Variants in ANTXR1 observed in about 807,000 individuals in gnomAD.
The protein encoded by ANTXR1 is anthrax toxin receptor 1.
Under a neutral mutation model 78.1 loss-of-function variants are expected in ANTXR1, and 19 were observed. That is an observed-to-expected ratio of 0.24 (90% CI 0.17 to 0.36). The LOEUF (loss-of-function observed/expected upper bound fraction) is 0.36. ANTXR1 is among the 10% of genes least tolerant of loss of function. ANTXR1 has a pLI of 1.00. For missense variants in ANTXR1, 518 were observed against 718.6 expected (o/e 0.72, Z 3.19); for synonymous variants, 273 against 260.5 (o/e 1.05, Z -0.46).
intron 13 of ANTXR1, among the ~76,000 whole-genome samples, chr2:69,153,748 G>T (rs1014914254): frequency 6.6e-6 from 1 of 152,170 alleles, no homozygotes; most frequent in Admixed American, 6.5e-5. Flanking sequence ...GAGTCGGCAG[G>T]CCTGGTAGCA....
intron 17 of ANTXR1, among the ~76,000 whole-genome samples, chr2:69,201,712 G>T (rs1674776448): frequency 6.6e-6 from 1 of 152,134 alleles, no homozygotes; most frequent in Non-Finnish European, 1.5e-5. Flanking sequence ...TAGAAAGTGT[G>T]AAGGAGGACC....
In ANTXR1 at chr2:69,246,171, G is replaced by C. The variant is rs1416597468; in HGVS notation, c.*686G>C. The C allele has an allele frequency of 1.3e-5, 2 of 152,474 alleles. No individual in the cohort carries two copies. Among genetic ancestry groups the C allele is most frequent in the Non-Finnish European group, 2.9e-5 (2 of 68,124 alleles). 9.4% of individuals were successfully genotyped at this position (152,474 alleles called of 1,614,324 possible). A position where few individuals can be genotyped will look rare whatever the true frequency, so the allele number is the denominator to read the frequency against. ...GGTATGTTGCTATGTTGATGTGTAA[G>C]TGAAATCAGTTGTGTGCAATAGACA... On this transcript the variant is annotated 3_prime_UTR_variant, in exon 18 of 18. Coordinates refer to ENST00000303714, the MANE Select transcript of ANTXR1 (RefSeq NM_032208.3).
intron 10 of ANTXR1, among the ~76,000 whole-genome samples, chr2:69,122,327 A>G (rs146936741): frequency 7.9e-4 from 120 of 152,302 alleles, no homozygotes; most frequent in African/African-American, 2.1e-3. Context: ...ATGAAGCCCA[A>G]TGATACTTTG....
intron 3 of ANTXR1, 121 bp downstream of exon 3, chr2:69,044,934 A>G: frequency 9.9e-7 from 1 of 1,009,526 alleles, no homozygotes; most frequent in Non-Finnish European, 1.5e-6. Flanking sequence ...TCCTTCTTTT[A>G]CCCTAAGTTT....
In ANTXR1 at chr2:69,146,186, CA is replaced by C. The variant is rs1020862130; in HGVS notation, c.952-5981del. 8.1e-6 allele frequency: 8 copies of C among 985,232 alleles called. No homozygotes were observed. In the Middle Eastern group the frequency reaches 1.5e-3, roughly 191 times the overall value. The allele number at this position is 985,232 out of a possible 1,614,324, so 61.0% of individuals were successfully genotyped here. On this transcript the variant is annotated intron_variant, in intron 12 of 17. Transcript: ENST00000303714. ...AGCGGGCCTCTGTGTGAGCATTTGA[CA>C]AGACTTAAAACTATTCATTGAAGAA...
At position 69,193,361 on chromosome 2, in the gene ANTXR1, A is replaced by G. The variant is rs758247808; in HGVS notation, c.1380A>G (p.Leu460=). The change falls in exon 17 of 18, where the codon CTA becomes CTG. Residue 460 remains leucine, a synonymous_variant. Coordinates refer to ENST00000303714, the MANE Select transcript of ANTXR1 (RefSeq NM_032208.3). ...GAAAACTCGATGCCTTGTGGGTCCT[A>G]CTGAGGAAAGGATATGATCGTGTGT... The part of the protein sequence containing the change: ...IKGKLDALWV[L]LRKGYDRVSV... The G allele has an allele frequency of 3.1e-6, 5 of 1,613,804 alleles. No homozygotes were observed. The highest frequency in any genetic ancestry group is 4.2e-6 in the Non-Finnish European group (5 of 1,179,916).
chr2:69,219,626 T>A (rs1675268522), intron 17 of ANTXR1, among the ~76,000 whole-genome samples: 1 of 152,228 alleles, frequency 6.6e-6, no homozygotes, highest in Non-Finnish European at 1.5e-5. Context: ...TCTTTGTGTA[T>A]CACAAACCTT....
chr2:69,051,155 G>A (rs1458218866), intron 3 of ANTXR1, among the ~76,000 whole-genome samples: 1 of 151,982 alleles, frequency 6.6e-6, no homozygotes, highest in Admixed American at 6.6e-5. Flanking sequence ...GCATGTTGGT[G>A]CGCACCTGTA....
At chr2:69,202,624 G>A (rs933162106) in intron 17 of ANTXR1, among the ~76,000 whole-genome samples, 11 of 152,198 alleles carry the variant, frequency 7.2e-5, no homozygotes, top group Admixed American at 3.3e-4. Context: ...GGGCTTAGGA[G>A]GAAGTGCCAG....
chr2:69,124,387 C>T (rs1313694376), intron 11 of ANTXR1, among the ~76,000 whole-genome samples, 178 bp from the exon 12 acceptor site: 1 of 152,210 alleles, frequency 6.6e-6, no homozygotes, highest in East Asian at 1.9e-4. Flanking sequence ...ATGGGCTATA[C>T]AGACTACCCC....
intron 13 of ANTXR1, among the ~76,000 whole-genome samples, chr2:69,153,359 G>T (rs187477751): frequency 6.6e-6 from 1 of 151,814 alleles, no homozygotes; most frequent in Admixed American, 6.6e-5. Context: ...AAATGGCTTC[G>T]GATGACATGT....
chr2:69,051,563 T>C (rs1013412390), intron 3 of ANTXR1, among the ~76,000 whole-genome samples: 1 of 152,064 alleles, frequency 6.6e-6, no homozygotes, highest in Non-Finnish European at 1.5e-5. Flanking sequence ...ATTTTTTAGT[T>C]TATTAATTTT....
intron 10 of ANTXR1, among the ~76,000 whole-genome samples, chr2:69,106,303 AC>A (rs1253759451): frequency 6.6e-6 from 1 of 152,272 alleles, no homozygotes; most frequent in African/African-American, 2.4e-5. Flanking sequence ...TTTGTGGTCA[AC>A]AAAATAGATC....
At position 69,055,367 on chromosome 2, in the gene ANTXR1, G is replaced by A. The variant is rs181449998; in HGVS notation, c.296+10554G>A. 2.8e-3 allele frequency among the ~76,000 whole-genome samples: 433 copies of A among 152,266 alleles called. 2 individuals are homozygous for A. Among genetic ancestry groups the A allele is most frequent in the Non-Finnish European group, 5.3e-3 (362 of 68,008 alleles). On this transcript the variant is annotated intron_variant, in intron 3 of 17. Transcript: ENST00000303714. ...TTCTTTTGTGTAATAGTTGTAGGGA[G>A]ACTTCTTCCAGATAAGGGGACACAG...
At chr2:69,228,457 CAT>C (rs1675515698) in intron 17 of ANTXR1, among the ~76,000 whole-genome samples, 2 of 152,194 alleles carry the variant, frequency 1.3e-5, no homozygotes, top group Admixed American at 1.3e-4. Context: ...AAAGAAAGAG[CAT>C]AGAGTCTAAA....
intron 6 of ANTXR1, among the ~76,000 whole-genome samples, chr2:69,074,557 A>G (rs1345703825): frequency 1.3e-5 from 2 of 152,206 alleles, no homozygotes; most frequent in African/African-American, 4.8e-5. Context: ...CCTTCTTGAC[A>G]ATTCTATATA....
chr2:69,143,553 T>C (rs186665355), intron 12 of ANTXR1, among the ~76,000 whole-genome samples: 2 of 152,228 alleles, frequency 1.3e-5, no homozygotes, highest in African/African-American at 4.8e-5. Flanking sequence ...AGGCTAGAGA[T>C]GAAGACTTAA....
At position 69,181,795 on chromosome 2, in the gene ANTXR1, G is replaced by T. The variant is rs373549290; in HGVS notation, c.1099G>T (p.Asp367Tyr). 5.4e-5 allele frequency: 87 copies of T among 1,614,132 alleles called. No individual in the cohort carries two copies. The African/African-American group carries it at 1.1e-3, about 21-fold the overall frequency. The change falls in exon 15 of 18, where the codon GAT becomes TAT. Residue 367 changes from aspartate to tyrosine, a missense_variant. By Grantham distance (160) the Asp-to-Tyr change is radical. This residue lies in a region of ANTXR1 where 264 missense variants were observed against 391.8 expected (regional missense o/e 0.67). Coordinates refer to ENST00000303714, the MANE Select transcript of ANTXR1 (RefSeq NM_032208.3). The stretch of plus-strand genomic sequence containing the variant: ...CACAATTTCTCTGCAGGAAGAAGAT[G>T]ATGATGGTCTGCCTAAGAAAAAGTG... ...PPAEESEEED[D>Y]DGLPKKKWPT...
At chr2:69,222,571 A>G (rs1675344505) in intron 17 of ANTXR1, among the ~76,000 whole-genome samples, 1 of 152,172 alleles carries the variant, frequency 6.6e-6, no homozygotes, top group Non-Finnish European at 1.5e-5. Flanking sequence ...ACCATTTAGG[A>G]GGCTACTGTA....
Sources: gnomAD v4.1 joint callset for allele counts (sites outside exome capture counted in the v4.1 genomes callset) on GRCh38, gnomAD v4.1.1 for gene constraint, gnomAD v4.1.1 regional missense constraint, MANE v1.5 for transcripts, NCBI Gene and HGNC (gene_info 2026-07-23, HGNC 2026-07-21) for gene names.